AP3B2: variants seen among roughly 807,000 people sequenced by gnomAD.
The protein encoded by AP3B2 is adaptor related protein complex 3 subunit beta 2, also known as AP-3 complex subunit beta-2.
In AP3B2, 50 loss-of-function variants were observed where a neutral mutation model predicts 126.9. That is an observed-to-expected ratio of 0.39 (90% confidence interval 0.31 to 0.50). The LOEUF (loss-of-function observed/expected upper bound fraction) is 0.50. AP3B2 is among the 20% of genes least tolerant of loss of function. The pLI is 0.79. For missense variants in AP3B2, 1,177 were observed against 1,426.4 expected, an observed-to-expected ratio of 0.83 and a Z score of 2.82; for synonymous variants, 541 against 565.0, an observed-to-expected ratio of 0.96 and a Z score of 0.60.
intron 4 of AP3B2, chr15:82,685,312 C>A (rs559641000): frequency 1.2e-4 from 18 of 152,140 alleles, no homozygotes; most frequent in African/African-American, 4.1e-4. Context: ...TGCCACAAAC[C>A]CTCAATTTGT....
chr15:82,693,985 G>C (rs997120224), intron 1 of AP3B2, among the ~76,000 whole-genome samples: 2 of 151,830 alleles, frequency 1.3e-5, no homozygotes, highest in African/African-American at 4.8e-5. Flanking sequence ...ACAGGTGTGA[G>C]CCACTGCGCC....
intron 4 of AP3B2, among the ~76,000 whole-genome samples, chr15:82,683,047 G>GTCTTTTTTTTT (rs2048368298): frequency 1.3e-5 from 1 of 77,716 alleles, no homozygotes; most frequent in Non-Finnish European, 2.5e-5. Flanking sequence ...TGCACCAGGA[G>GTCTTTTTTTTT]TTTTTTTTTT....
chr15:82,677,233 G>T, intron 13 of AP3B2, 41 bp downstream of exon 13: 1 of 1,469,896 alleles, frequency 6.8e-7, no homozygotes, highest in Non-Finnish European at 9.5e-7. Flanking sequence ...ATCATGGGGA[G>T]GACCTTGAAG....
intron 1 of AP3B2, chr15:82,692,149 G>A: frequency 6.7e-7 from 1 of 1,491,522 alleles, no homozygotes; most frequent in East Asian, 2.3e-5. Context: ...AGCCGACACT[G>A]GCCATAATCA....
At chr15:82,704,506 T>C (rs1443008107) in intron 1 of AP3B2, among the ~76,000 whole-genome samples, 1 of 152,160 alleles carries the variant, frequency 6.6e-6, no homozygotes, top group Non-Finnish European at 1.5e-5. Context: ...TACAGGACCT[T>C]CTCCATCAGG....
At position 82,665,256 on chromosome 15, in the gene AP3B2, T is replaced by C. The variant is rs770382833; in HGVS notation, c.2019A>G (p.Glu673=). 2 of 1,539,390 alleles carry C rather than the reference T, an allele frequency of 1.3e-6. No homozygotes were observed. The highest frequency in any genetic ancestry group is 2.4e-5 in the South Asian group (2 of 84,572). The change falls in exon 17 of 27, where the codon GAA becomes GAG. Residue 673 remains glutamate (E), a synonymous_variant. Transcript: ENST00000535359. The surrounding 1 kb of genome is among the most constrained non-coding windows in gnomAD (Gnocchi z 4.4). ...CACACGAAGGTGGGACCTCAGTGTA[T>C]TCGCCCAACAGGCCCACGTGAGTCT... ...LIETHVGLLG[E]YTEVPEWTKC...
chr15:82,694,428 G>A (rs1483806149), intron 1 of AP3B2, among the ~76,000 whole-genome samples: 9 of 151,026 alleles, frequency 6.0e-5, no homozygotes, highest in African/African-American at 2.2e-4. Context: ...GCTCACACTT[G>A]TAATCCCAGC....
intron 14 of AP3B2, among the ~76,000 whole-genome samples, chr15:82,674,613 G>A (rs1314059863): frequency 6.6e-6 from 1 of 152,168 alleles, no homozygotes; most frequent in Non-Finnish European, 1.5e-5. Flanking sequence ...GTGAGTATCT[G>A]GAGACCTGTA....
chr15:82,697,291 G>A (rs535560566), intron 1 of AP3B2, among the ~76,000 whole-genome samples: 4 of 151,994 alleles, frequency 2.6e-5, no homozygotes, highest in South Asian at 4.2e-4. Flanking sequence ...CCAAGATCGC[G>A]CCACTGCACT....
chr15:82,695,579 T>C (rs1400212360), intron 1 of AP3B2, among the ~76,000 whole-genome samples: 1 of 152,112 alleles, frequency 6.6e-6, no homozygotes, highest in East Asian at 1.9e-4. Context: ...GAGGGTGTGG[T>C]GCCTGGAGAG....
chr15:82,688,244 C>CT, intron 4 of AP3B2: 1 of 588,424 alleles, frequency 1.7e-6, no homozygotes, highest in Non-Finnish European at 3.0e-6. Context: ...CAGAAAAGCC[C>CT]TTAGGGGGGA....
At position 82,659,292 on chromosome 15, in the gene AP3B2, C is replaced by T. The variant is rs1002749122; in HGVS notation, c.*268G>A. ...GGTGAGCCAGCAGCTAGAGAGAAGA[C>T]ATTTTATTGAGCCTGCTACATAAAT... On this transcript the variant is annotated 3_prime_UTR_variant, in exon 27 of 27. Transcript: ENST00000535359. 4.8e-5 allele frequency: 19 copies of T among 396,682 alleles called. No individual in the cohort carries two copies. The allele number at this position is 396,682 out of a possible 1,614,324, so 24.6% of individuals were successfully genotyped here.
At chr15:82,691,957 CTT>C in intron 1 of AP3B2, 3 of 1,416,528 alleles carry the variant, frequency 2.1e-6, no homozygotes, top group Non-Finnish European at 3.0e-6. Context: ...CCACACCGTC[CTT>C]CTGCACATCG....
Position 82,663,336 on chromosome 15 carries a change from G to A in AP3B2, c.2498-103C>T, listed in dbSNP as rs370167183. 2.6e-5 allele frequency: 27 copies of A among 1,057,486 alleles called. No individual in the cohort carries two copies. In the East Asian group the frequency reaches 5.6e-4, roughly 22 times the overall value. 65.5% of individuals were successfully genotyped at this position (1,057,486 alleles called of 1,614,324 possible). ...CACGCATTTCAGCACCATGGACAGCGGGGCACATGGCTGCCTGGAGGCTCT... is the reference window on the plus strand; with the variant it reads ...CACGCATTTCAGCACCATGGACAGCAGGGCACATGGCTGCCTGGAGGCTCT... On this transcript the variant is annotated intron_variant, in intron 21 of 26. Coordinates refer to ENST00000535359, the MANE Select transcript of AP3B2 (RefSeq NM_001278512.2).
At chr15:82,697,772 C>T (rs947866626) in intron 1 of AP3B2, 6 of 151,580 alleles carry the variant, frequency 4.0e-5, no homozygotes, top group Admixed American at 2.6e-4. Flanking sequence ...GAAACTCCCT[C>T]ACCTGGGGGG....
Position 82,663,136 on chromosome 15 carries a change from C to G in AP3B2, c.2595G>C (p.Leu865=), listed in dbSNP as rs2047984491. The G allele has an allele frequency of 6.2e-7, 1 of 1,610,772 alleles. No homozygotes were observed. The highest frequency in any genetic ancestry group is 8.5e-7 in the Non-Finnish European group (1 of 1,179,036). ...LEGLTLTDST[L]VPSLLSPVSG... ...CCTCCATCCCACTCACCGACGGTAC[C>G]AGGGTGGAGTCTGTGAGTGTCAGGC... The change falls in exon 22 of 27, where the codon CTG becomes CTC. Residue 865 remains leucine (L), a synonymous_variant. Coordinates refer to ENST00000535359, the MANE Select transcript of AP3B2 (RefSeq NM_001278512.2).
In AP3B2 at chr15:82,709,718, G is replaced by A. The variant is rs1322791350; in HGVS notation, c.-12C>T. 3 of 1,469,736 alleles carry A rather than the reference G, an allele frequency of 2.0e-6. No homozygotes were observed. The highest frequency in any genetic ancestry group is 1.5e-5 in the African/African-American group (1 of 68,388). The allele number at this position is 1,469,736 out of a possible 1,614,324, so 91.0% of individuals were successfully genotyped here. A position where few individuals can be genotyped will look rare whatever the true frequency, so the allele number is the denominator to read the frequency against. On this transcript the variant is annotated 5_prime_UTR_variant, in exon 1 of 27. Coordinates refer to ENST00000535359, the MANE Select transcript of AP3B2 (RefSeq NM_001278512.2). ...GGGGCGGCCGACATGGGGCGGCCAG[G>A]GAGACTTCGCCGAGGAGGAGGTTGC...
At chr15:82,689,003 G>T in intron 3 of AP3B2, 155 bp downstream of exon 3, 1 of 1,030,346 alleles carries the variant, frequency 9.7e-7, no homozygotes, top group South Asian at 1.5e-5. Flanking sequence ...TCCACATCCA[G>T]TTCAGGGACA....
intron 20 of AP3B2, 50 bp from the exon 21 acceptor site, chr15:82,663,670 A>G: frequency 6.2e-7 from 1 of 1,612,876 alleles, no homozygotes; most frequent in Non-Finnish European, 8.5e-7. Context: ...GCACCTTGGC[A>G]TGTTCTGGGT....
Sources: gnomAD v4.1 joint callset for allele counts (sites outside exome capture counted in the v4.1 genomes callset) on GRCh38, gnomAD v4.1.1 for gene constraint, Gnocchi (gnomAD v3.1) non-coding constraint, MANE v1.5 for transcripts, NCBI Gene and HGNC (gene_info 2026-07-23, HGNC 2026-07-21) for gene names.